GLOD4: variants seen among roughly 807,000 people sequenced by gnomAD.
GLOD4 encodes glyoxalase domain-containing protein 4.
A neutral mutation model predicts 39.1 loss-of-function variants in GLOD4; 44 were observed. The observed-to-expected ratio is 1.13, with a 90% CI of 0.88 to 1.45. GLOD4 has a LOEUF of 1.45. Ranked by LOEUF, GLOD4 falls within the 40% of genes most tolerant of loss-of-function variation. The pLI is 0.00. For missense variants in GLOD4, 405 were observed against 366.4 expected (o/e 1.11, Z -0.86); for synonymous variants, 145 against 135.0 (o/e 1.07, Z -0.52).
At chr17:775,317 G>A (rs1486781933) in intron 4 of GLOD4, among the ~76,000 whole-genome samples, 1 of 151,968 alleles carries the variant, frequency 6.6e-6, no homozygotes, top group East Asian at 1.9e-4. Flanking sequence ...GGGATTGTGG[G>A]AGCATGTGGC....
upstream of GLOD4, chr17:783,342 A>G: frequency 1.3e-6 from 2 of 1,536,372 alleles, no homozygotes; most frequent in South Asian, 1.2e-5. Flanking sequence ...GTGATTACCC[A>G]GTGTATCTTT....
chr17:778,334 G>A, intron 2 of GLOD4: 1 of 385,458 alleles, frequency 2.6e-6, no homozygotes, highest in African/African-American at 2.1e-5. Context: ...TTAACTTGCA[G>A]GATCTGACAT....
At chr17:763,959 T>C (rs1413766839) in intron 8 of GLOD4, 2 of 152,226 alleles carry the variant, frequency 1.3e-5, no homozygotes, top group East Asian at 3.8e-4. Context: ...GAAGGAATGA[T>C]GAAAAACTAC....
chr17:785,410 TATATA>T (rs1222630827), upstream of GLOD4, among the ~76,000 whole-genome samples: 1 of 152,130 alleles, frequency 6.6e-6, no homozygotes, highest in Non-Finnish European at 1.5e-5. Context: ...TGTAGATTAT[TATATA>T]ATGTATATAT....
Position 775,813 on chromosome 17 carries a change from T to TA in GLOD4, c.367dup (p.Tyr123LeufsTer2). The TA allele has an allele frequency of 1.2e-6, 2 of 1,614,026 alleles. No individual in the cohort carries two copies. The highest frequency in any genetic ancestry group is 1.7e-6 in the Non-Finnish European group (2 of 1,179,888). ...ACTGCGATTCTGCAAATAGAACTTATATCCTCCCGGGGCCTCGGTTTCAAA... is the reference window on the plus strand; with the variant it reads ...ACTGCGATTCTGCAAATAGAACTTATAATCCTCCCGGGGCCTCGGTTTCAAA... On this transcript the variant is annotated frameshift_variant, in exon 4 of 9. Coordinates refer to ENST00000301329, the MANE Select transcript of GLOD4 (RefSeq NM_016080.4). LOFTEE classifies it high-confidence loss of function.
chr17:775,018 C>T (rs1908650603), intron 4 of GLOD4, among the ~76,000 whole-genome samples: 2 of 149,402 alleles, frequency 1.3e-5, no homozygotes, highest in Admixed American at 6.7e-5. Flanking sequence ...GCAAGTGAGC[C>T]GAGATTGCAG....
chr17:764,837 C>G (rs1208648233), intron 8 of GLOD4: 1 of 146,928 alleles, frequency 6.8e-6, no homozygotes, highest in African/African-American at 2.5e-5. Flanking sequence ...TGAAACCCGT[C>G]TCTACTAAAA....
intron 8 of GLOD4, among the ~76,000 whole-genome samples, chr17:768,200 A>G (rs191684146): frequency 6.0e-5 from 9 of 149,514 alleles, no homozygotes; most frequent in Admixed American, 3.3e-4. Context: ...GATTTTTAGA[A>G]GAAGAAATCT....
At chr17:783,227 G>A (rs777270127), upstream of GLOD4, 4 of 1,614,140 alleles carry the variant, frequency 2.5e-6, no homozygotes, top group African/African-American at 1.3e-5. Flanking sequence ...AATACCTAAA[G>A]GAGTTGCCAG....
intron 8 of GLOD4, among the ~76,000 whole-genome samples, chr17:762,527 G>A (rs1385736433): frequency 1.4e-5 from 2 of 142,822 alleles, no homozygotes; most frequent in Non-Finnish European, 3.1e-5. Flanking sequence ...AGGGATGAAG[G>A]GGAATAATTT....
chr17:775,224 T>C (rs187077963), intron 4 of GLOD4, among the ~76,000 whole-genome samples: 3 of 149,154 alleles, frequency 2.0e-5, no homozygotes, highest in African/African-American at 7.4e-5. Context: ...TGAGCAGAGA[T>C]CATGCCAGTA....
chr17:769,104 G>C (rs1394711343), intron 8 of GLOD4, among the ~76,000 whole-genome samples: 1 of 152,248 alleles, frequency 6.6e-6, no homozygotes, highest in Non-Finnish European at 1.5e-5. Flanking sequence ...CTGCAGAATG[G>C]AGAAGAGATG....
intron 8 of GLOD4, 42 bp downstream of exon 8, chr17:769,827 C>T: frequency 8.8e-7 from 1 of 1,141,936 alleles, no homozygotes; most frequent in African/African-American, 1.5e-5. Context: ...AATGCCATCC[C>T]TCTCAGGCCC....
upstream of GLOD4, chr17:783,301 A>G (rs766396582): frequency 1.2e-5 from 20 of 1,612,096 alleles, no homozygotes; most frequent in Non-Finnish European, 1.6e-5. Flanking sequence ...GATTGGTCCG[A>G]CCTCGTAACG....
At chr17:771,096 A>T (rs1907874846) in intron 5 of GLOD4, 1 of 346,376 alleles carries the variant, frequency 2.9e-6, no homozygotes. Context: ...TGGATTAAGC[A>T]ATTCCACTTC....
chr17:762,759 C>G (rs1905734144), intron 8 of GLOD4, among the ~76,000 whole-genome samples: 1 of 152,232 alleles, frequency 6.6e-6, no homozygotes, highest in African/African-American at 2.4e-5. Flanking sequence ...ACCATCCAGG[C>G]CCCTGCCTGC....
intron 8 of GLOD4, among the ~76,000 whole-genome samples, chr17:762,321 C>G (rs1905598648): frequency 6.6e-6 from 1 of 152,256 alleles, no homozygotes. Flanking sequence ...GCGTGAACAA[C>G]TGGGATCACA....
intron 8 of GLOD4, among the ~76,000 whole-genome samples, chr17:768,004 A>G: frequency 7.1e-6 from 1 of 139,918 alleles, no homozygotes; most frequent in African/African-American, 2.7e-5. Flanking sequence ...CGTGAGAGAG[A>G]GAAACAGCGC....
chr17:782,456 G>C, upstream of GLOD4: 1 of 1,613,914 alleles, frequency 6.2e-7, no homozygotes, highest in South Asian at 1.1e-5. Context: ...ACCTTGACGC[G>C]AGGCGCTGGG....
Sources: allele counts gnomAD v4.1 joint callset (sites outside exome capture counted in the v4.1 genomes callset), GRCh38; gene constraint gnomAD v4.1.1; transcripts MANE v1.5; gene names NCBI Gene and HGNC (gene_info 2026-07-23, HGNC 2026-07-21).